The following MUC4 variants were observed in gnomAD, a reference collection of about 807,000 sequenced individuals.
MUC4 encodes the protein mucin 4, cell surface associated, also known as mucin-4.
A neutral mutation model predicts 257.9 loss-of-function variants in MUC4; 202 were observed. The observed-to-expected ratio is 0.78, with a 90% confidence interval of 0.70 to 0.88. The LOEUF (loss-of-function observed/expected upper bound fraction) is 0.88. Ranked by LOEUF, MUC4 falls within the 40% of genes least tolerant of loss-of-function variation. The pLI is 0.00. For missense variants in MUC4, 5,976 were observed against 6,513.7 expected (o/e 0.92, Z 2.84); for synonymous variants, 2,351 against 2,757.1 (o/e 0.85, Z 4.62).
chr3:195,788,954 G>C lies in MUC4; in HGVS notation c.2626C>G (p.Leu876Val). 2 of 1,613,662 alleles carry C rather than the reference G, an allele frequency of 1.2e-6. No individual in the cohort carries two copies. Among genetic ancestry groups the C allele is most frequent in the Non-Finnish European group, 1.7e-6 (2 of 1,179,752 alleles). The change falls in exon 2 of 25, where the codon CTC becomes GTC. Residue 876 changes from leucine to valine, a missense_variant. Physicochemically the swap from Leu to Val is conservative, Grantham distance 32 (BLOSUM62 1). Transcript: ENST00000463781. ...SIVPGTFHPT[L>V]SEASTAGRPT... ...CTCCCTGCAGTGGAGGCCTCAGAGA[G>C]GGTGGGATGAAAGGTGCCGGGGACG...
Position 195,810,795 on chromosome 3 carries a change from C to A in MUC4, c.82+941G>T, listed in dbSNP as rs1468878233. Among the ~76,000 whole-genome samples, 1 of 152,138 alleles carries A rather than the reference C, an allele frequency of 6.6e-6. No homozygotes were observed. The highest frequency in any genetic ancestry group is 2.4e-5 in the African/African-American group (1 of 41,422). On this transcript the variant is annotated intron_variant, in intron 1 of 24. Coordinates refer to ENST00000463781, the MANE Select transcript of MUC4 (RefSeq NM_018406.7). The surrounding 1 kb of genome is among the most constrained non-coding windows in gnomAD (Gnocchi z 4.2). ...GGGTCCTCAGTTTGTCTGCGTCTCA[C>A]CTGTCTCGTCCTCTCACCCTGCAGC... is the stretch of plus-strand genomic sequence containing the variant.
intron 3 of MUC4, among the ~76,000 whole-genome samples, chr3:195,775,815 C>T (rs548961194): frequency 6.1e-5 from 3 of 49,256 alleles, no homozygotes; most frequent in Non-Finnish European, 1.1e-4. Flanking sequence ...CCTTCCACGG[C>T]CATACCTTCC....
At position 195,779,131 on chromosome 3, in the gene MUC4, G is replaced by A. The variant is rs1424140317; in HGVS notation, c.12449C>T (p.Pro4150Leu). Residue 4150 changes from proline to leucine, a missense_variant, in exon 2 of 25, where the codon CCT becomes CTT. Transcript: ENST00000463781. ...GDTTPLPVTI[P>L]SSASSGHTTS... ...GGTGTGACCTGAGGATGCTGAGGAA[G>A]GGATGGTGACAGGAAGAGGCGTGGT... 4.0e-5 allele frequency: 59 copies of A among 1,481,154 alleles called. 8 individuals are homozygous for A. The highest frequency in any genetic ancestry group is 4.9e-5 in the Non-Finnish European group (54 of 1,100,698). 91.8% of individuals were successfully genotyped at this position (1,481,154 alleles called of 1,614,324 possible).
At position 195,790,807 on chromosome 3, in the gene MUC4, A is replaced by C; in HGVS notation, c.773T>G (p.Met258Arg). 2 of 1,613,716 alleles carry C rather than the reference A, an allele frequency of 1.2e-6. No individual in the cohort carries two copies. Among genetic ancestry groups the C allele is most frequent in the Non-Finnish European group, 1.7e-6 (2 of 1,179,840 alleles). Residue 258 changes from methionine to arginine, a missense_variant, in exon 2 of 25, where the codon ATG becomes AGG. This residue lies in a region of MUC4 where 1,583 missense variants were observed against 1,257.4 expected (regional missense o/e 1.26). Transcript: ENST00000463781. Reference protein sequence around the residue: ...SSLCSVTNTSMMTSEKITVTT... With the variant: ...SSLCSVTNTSRMTSEKITVTT... ...CACTGTTATCTTCTCTGATGTCATCATGGATGTGTTTGTGACACTACAGAG... is the reference window on the plus strand; with the variant it reads ...CACTGTTATCTTCTCTGATGTCATCCTGGATGTGTTTGTGACACTACAGAG...
chr3:195,764,623 C>A (rs1350611023), intron 10 of MUC4, among the ~76,000 whole-genome samples: 1 of 151,916 alleles, frequency 6.6e-6, no homozygotes, highest in Non-Finnish European at 1.5e-5. Flanking sequence ...GACCACGTGA[C>A]CCCACACCCC....
intron 21 of MUC4, chr3:195,751,499 G>T: frequency 1.7e-6 from 1 of 596,806 alleles, no homozygotes; most frequent in East Asian, 2.8e-5. Context: ...TTTCCATTCT[G>T]TCCCCCCCTC....
At chr3:195,752,251 G>A (rs1208289770) in intron 21 of MUC4, 122 bp downstream of exon 21, 29 of 930,456 alleles carry the variant, frequency 3.1e-5, no homozygotes, top group South Asian at 1.4e-4. Flanking sequence ...AAGAGGCTCC[G>A]GCCTCCTCTG....
Position 195,781,149 on chromosome 3 carries a change from G to GC in MUC4, c.10430dup (p.Ser3477ArgfsTer25). On this transcript the variant is annotated frameshift_variant, in exon 2 of 25. Transcript: ENST00000463781. LOFTEE classifies it high-confidence loss of function. ...TGTGACCTGTAGATGCTGAGGAAGG[G>GC]CTGGTGACAGGAAGAGGGGTGGTGT... 7.4e-7 allele frequency: 1 copy of GC among 1,349,842 alleles called. No individual in the cohort carries two copies. Among genetic ancestry groups the GC allele is most frequent in the Non-Finnish European group, 9.7e-7 (1 of 1,031,642 alleles). 83.6% of individuals were successfully genotyped at this position (1,349,842 alleles called of 1,614,324 possible). A position where few individuals can be genotyped will look rare whatever the true frequency, so the allele number is the denominator to read the frequency against.
intron 1 of MUC4, among the ~76,000 whole-genome samples, chr3:195,797,685 G>A (rs1170506428): frequency 1.3e-5 from 2 of 152,190 alleles, no homozygotes; most frequent in Non-Finnish European, 2.9e-5. Context: ...ACAGAAATGT[G>A]ATTTTGGGTA....
intron 17 of MUC4, among the ~76,000 whole-genome samples, chr3:195,758,665 C>A (rs540587351): frequency 5.4e-5 from 8 of 149,426 alleles, no homozygotes; most frequent in South Asian, 2.1e-4. Flanking sequence ...TGGGTTCAAG[C>A]GATTCTCCTG....
intron 20 of MUC4, among the ~76,000 whole-genome samples, chr3:195,752,810 A>G (rs73204000): frequency 6.6e-6 from 1 of 152,074 alleles, no homozygotes; most frequent in Non-Finnish European, 1.5e-5. Context: ...TCACTGAGCC[A>G]GCTGTGAGGT....
chr3:195,752,588 CTACATTCCACA>C, intron 20 of MUC4, 142 bp from the exon 21 acceptor site: 2 of 668,576 alleles, frequency 3.0e-6, no homozygotes, highest in Non-Finnish European at 5.4e-6. Context: ...GGCCCTCACC[CTACATTCCACA>C]GTGACAGAAG....
chr3:195,770,339 C>T lies in MUC4; in HGVS notation c.13275G>A (p.Leu4425=). ...TCCAAGACTCGGCCTGCTGGACTAG[C>T]AGGCTGTGTTCACCATAGAACGTCT... ...EYETFYGEHS[L]LVQQAESWIR... is the part of the protein sequence containing the mutation. The change falls in exon 6 of 25, where the codon CTG becomes CTA. Residue 4425 remains leucine, a synonymous_variant. Coordinates refer to ENST00000463781, the MANE Select transcript of MUC4 (RefSeq NM_018406.7). 1 of 1,613,950 alleles carries T rather than the reference C, an allele frequency of 6.2e-7. No homozygotes were observed.
chr3:195,774,385 C>T (rs2148879306), intron 3 of MUC4, 80 bp from the exon 4 acceptor site: 1 of 1,455,538 alleles, frequency 6.9e-7, no homozygotes, highest in Admixed American at 2.6e-5. Context: ...CAGAGCGCTC[C>T]CTGCAGGCTG....
chr3:195,763,022 C>T, intron 12 of MUC4, 77 bp from the exon 13 acceptor site: 1 of 1,252,814 alleles, frequency 8.0e-7, no homozygotes, highest in African/African-American at 1.5e-5. Flanking sequence ...GGGAGAGCCC[C>T]TGGGGCTGGA....
At chr3:195,758,470 G>T (rs1718095764) in intron 17 of MUC4, among the ~76,000 whole-genome samples, 2 of 151,974 alleles carry the variant, frequency 1.3e-5, no homozygotes, top group South Asian at 4.2e-4. Flanking sequence ...GTTGTAAATT[G>T]GTCATTTTAA....
chr3:195,759,035 G>A (rs1718248667), intron 17 of MUC4, 89 bp downstream of exon 17: 2 of 1,478,374 alleles, frequency 1.4e-6, no homozygotes, highest in Non-Finnish European at 1.8e-6. Flanking sequence ...AGTGTTGCTG[G>A]GTGTAGCAAT....
At chr3:195,767,214 C>T (rs1720701073) in intron 7 of MUC4, among the ~76,000 whole-genome samples, 1 of 152,062 alleles carries the variant, frequency 6.6e-6, no homozygotes, top group Non-Finnish European at 1.5e-5. Context: ...AAGTTACTGA[C>T]CCTCTCTGAT....
rs1335788256 is a variant in MUC4 at position 195,790,630 on chromosome 3, T to A, written c.950A>T (p.Asp317Val). The A allele has an allele frequency of 6.2e-7, 1 of 1,613,902 alleles. No homozygotes were observed. The highest frequency in any genetic ancestry group is 1.3e-5 in the African/African-American group (1 of 74,926). ...GTGGTTCTTAGAAAAAGCTGTTGTG[T>A]CCTGAGTAGAAGTCCTTGAGAAAGT... ...PATFSRTSTQ[D>V]TTAFSKNHQT... The change falls in exon 2 of 25, where the codon GAC becomes GTC. Residue 317 changes from aspartate to valine, a missense_variant. By Grantham distance (152) the Asp-to-Val change is radical. This residue lies in a region of MUC4 where 1,583 missense variants were observed against 1,257.4 expected (regional missense o/e 1.26). Transcript: ENST00000463781.
Sources: allele counts gnomAD v4.1 joint callset (sites outside exome capture counted in the v4.1 genomes callset), GRCh38; gene constraint gnomAD v4.1.1; regional missense constraint gnomAD v4.1.1; non-coding constraint Gnocchi (gnomAD v3.1); transcripts MANE v1.5; gene names NCBI Gene and HGNC (gene_info 2026-07-23, HGNC 2026-07-21).